Variants in A1CF observed in about 807,000 individuals in gnomAD.
The protein encoded by A1CF is APOBEC1 complementation factor.
Under a neutral mutation model 68.9 loss-of-function variants are expected in A1CF, and 48 were observed. The ratio of observed to expected loss-of-function variants is 0.70; its 90% CI spans 0.55 to 0.89. The LOEUF (loss-of-function observed/expected upper bound fraction) is 0.89. Among genes scored for constraint, A1CF ranks in the 40% least tolerant of loss-of-function variants. The pLI is 0.00. For synonymous variants in A1CF, 272 were observed against 260.4 expected, an observed-to-expected ratio of 1.04 and a Z score of -0.43; for missense variants, 653 against 718.9, an observed-to-expected ratio of 0.91 and a Z score of 1.05.
chr10:50,814,676 G>C (rs955420710), intron 9 of A1CF, among the ~76,000 whole-genome samples: 3 of 151,980 alleles, frequency 2.0e-5, no homozygotes, highest in Non-Finnish European at 4.4e-5. Context: ...ATTTTATATT[G>C]GTGGCATAGA....
At chr10:50,820,699 G>T in intron 7 of A1CF, 50 bp from the exon 8 acceptor site, 2 of 1,487,626 alleles carry the variant, frequency 1.3e-6, no homozygotes, top group South Asian at 1.2e-5. Context: ...AGAGAGCCTT[G>T]AAAGTGATAT....
At chr10:50,817,679 G>A (rs920113754) in intron 8 of A1CF, among the ~76,000 whole-genome samples, 1 of 152,158 alleles carries the variant, frequency 6.6e-6, no homozygotes, top group Non-Finnish European at 1.5e-5. Flanking sequence ...GAAGATGAGA[G>A]ACCCAAATAG....
At chr10:50,872,384 G>T (rs976754891) in intron 1 of A1CF, among the ~76,000 whole-genome samples, 10 of 152,116 alleles carry the variant, frequency 6.6e-5, no homozygotes, top group African/African-American at 2.2e-4. Context: ...GGTAGAGAGA[G>T]GCTAAAGTGC....
chr10:50,850,522 CAG>C (rs1840190482), intron 3 of A1CF: 1 of 1,095,176 alleles, frequency 9.1e-7, no homozygotes, highest in East Asian at 2.4e-5. Context: ...AACATTTTGT[CAG>C]TGTTTTTCAA....
chr10:50,805,705 C>A lies in A1CF; in HGVS notation c.*1024G>T, dbSNP rs1381188140. 1 of 152,032 alleles carries A rather than the reference C, an allele frequency of 6.6e-6. No homozygotes were observed. The highest frequency in any genetic ancestry group is 1.5e-5 in the Non-Finnish European group (1 of 68,018). 9.4% of individuals were successfully genotyped at this position (152,032 alleles called of 1,614,324 possible). A position where few individuals can be genotyped will look rare whatever the true frequency, so the allele number is the denominator to read the frequency against. ...TGGGTTAGATAATGCAAAGCTAATC[C>A]CAAGTTAATATAAGCATCTCTGATT... On this transcript the variant is annotated 3_prime_UTR_variant, in exon 13 of 13. Transcript: ENST00000373997.
intron 6 of A1CF, chr10:50,828,531 A>T (rs1188140315): frequency 9.0e-6 from 3 of 334,404 alleles, no homozygotes; most frequent in Admixed American, 4.5e-5. Context: ...GGGAACCAGG[A>T]CGTGGTTTGA....
chr10:50,865,456 A>C (rs965763727), intron 1 of A1CF, among the ~76,000 whole-genome samples: 1 of 152,222 alleles, frequency 6.6e-6, no homozygotes, highest in African/African-American at 2.4e-5. Flanking sequence ...CATCCAATAA[A>C]TATTAGCTAT....
chr10:50,817,762 T>C (rs1000946038), intron 8 of A1CF, among the ~76,000 whole-genome samples: 5 of 152,196 alleles, frequency 3.3e-5, no homozygotes, highest in Non-Finnish European at 5.9e-5. Flanking sequence ...AATTCAGATA[T>C]CTTGTAACAA....
chr10:50,809,888 C>A lies in A1CF; in HGVS notation c.1609+6G>T. 1 of 1,613,718 alleles carries A rather than the reference C, an allele frequency of 6.2e-7. No homozygotes were observed. Among genetic ancestry groups the A allele is most frequent in the Middle Eastern group, 1.7e-4 (1 of 6,008 alleles). On this transcript the variant is annotated splice_donor_region_variant and intron_variant, in intron 12 of 12. Coordinates refer to ENST00000373997, the MANE Select transcript of A1CF (RefSeq NM_014576.4). ...GGGCGCCATTTCTGGCACAATTTTC[C>A]CATACCTGGGAAAGCAGTAGCAGCA...
At chr10:50,831,444 A>G (rs1225563845) in intron 6 of A1CF, among the ~76,000 whole-genome samples, 1 of 152,178 alleles carries the variant, frequency 6.6e-6, no homozygotes, top group Non-Finnish European at 1.5e-5. Flanking sequence ...AAAATGGGCA[A>G]AAGGCCGGGC....
intron 7 of A1CF, among the ~76,000 whole-genome samples, chr10:50,823,137 C>T (rs1474254659): frequency 3.9e-5 from 6 of 152,078 alleles, no homozygotes; most frequent in South Asian, 2.1e-4. Context: ...CACTGTTGGA[C>T]GATAACTTCC....
intron 2 of A1CF, among the ~76,000 whole-genome samples, 152 bp downstream of exon 2, chr10:50,863,881 A>T (rs1440314688): frequency 1.3e-5 from 2 of 152,246 alleles, no homozygotes; most frequent in East Asian, 1.9e-4. Context: ...TGTTCCAAAC[A>T]TAAAGAGAAA....
At chr10:50,856,661 T>C (rs557610713) in intron 3 of A1CF, among the ~76,000 whole-genome samples, 2 of 152,278 alleles carry the variant, frequency 1.3e-5, no homozygotes, top group South Asian at 4.1e-4. Flanking sequence ...TTATCTAAAC[T>C]GTCTGTGCCT....
chr10:50,854,298 C>A (rs1840381052), intron 3 of A1CF, among the ~76,000 whole-genome samples: 1 of 151,828 alleles, frequency 6.6e-6, no homozygotes, highest in South Asian at 2.1e-4. Context: ...TTATATGTAG[C>A]CTTCAGATTT....
chr10:50,819,649 C>T (rs996188660), intron 8 of A1CF, among the ~76,000 whole-genome samples: 35 of 152,188 alleles, frequency 2.3e-4, no homozygotes, highest in African/African-American at 7.7e-4. Context: ...CACAGTCCCA[C>T]GTGCATTATG....
At chr10:50,865,641 A>G (rs894946397) in intron 1 of A1CF, among the ~76,000 whole-genome samples, 2 of 152,064 alleles carry the variant, frequency 1.3e-5, no homozygotes, top group African/African-American at 2.4e-5. Flanking sequence ...TGGCCTTCCC[A>G]TGCTTTCTTA....
At chr10:50,844,458 T>A (rs1839911972) in intron 3 of A1CF, among the ~76,000 whole-genome samples, 1 of 152,154 alleles carries the variant, frequency 6.6e-6, no homozygotes, top group African/African-American at 2.4e-5. Context: ...GGGTAATTAG[T>A]ATATCCATCA....
chr10:50,815,931 T>A (rs1488900578), intron 9 of A1CF, 75 bp downstream of exon 9: 1 of 1,512,330 alleles, frequency 6.6e-7, no homozygotes, highest in African/African-American at 1.4e-5. Flanking sequence ...ACCCATCCAA[T>A]GTATCTAAGG....
intron 1 of A1CF, among the ~76,000 whole-genome samples, chr10:50,883,206 G>T (rs1841862195): frequency 1.3e-5 from 2 of 152,146 alleles, no homozygotes. Flanking sequence ...TCTGGAGGTT[G>T]TTACAAATAG....
Sources: allele counts gnomAD v4.1 joint callset (sites outside exome capture counted in the v4.1 genomes callset), GRCh38; gene constraint gnomAD v4.1.1; transcripts MANE v1.5; gene names NCBI Gene and HGNC (gene_info 2026-07-23, HGNC 2026-07-21).